Variants in REG4 observed in about 807,000 individuals in gnomAD.
The protein encoded by REG4 is regenerating family member 4, also known as regenerating islet-derived protein 4.
In REG4, 16 loss-of-function variants were observed where a neutral mutation model predicts 22.3. That is an observed-to-expected ratio of 0.72 (90% CI 0.49 to 1.09). REG4 has a LOEUF of 1.09. Among genes scored for constraint, REG4 ranks in the 50% least tolerant of loss-of-function variants. The probability of loss-of-function intolerance (pLI) is 0.00; values close to 1 mark genes in which losing one functional copy is unlikely to be tolerated. For synonymous variants in REG4, 71 were observed against 69.2 expected (o/e 1.03, Z -0.13); for missense variants, 214 against 193.9 (o/e 1.10, Z -0.61).
intron 5 of REG4, among the ~76,000 whole-genome samples, chr1:119,797,670 T>C (rs986040733): frequency 1.3e-5 from 2 of 152,240 alleles, no homozygotes; most frequent in African/African-American, 2.4e-5. Context: ...TCTGTGATCT[T>C]GTACAGCTGA....
At chr1:119,805,679 T>C (rs587729531) in intron 2 of REG4, among the ~76,000 whole-genome samples, 2 of 152,216 alleles carry the variant, frequency 1.3e-5, no homozygotes, top group South Asian at 4.2e-4. Flanking sequence ...TGCATCTCTG[T>C]CTTTGACTTT....
chr1:119,808,738 A>T lies in REG4; in HGVS notation c.32T>A (p.Leu11Ter), dbSNP rs780783584. Reference sequence around the variant, plus strand: ...TCCTGTTTTGGCCAGGCAGCTCAGCAATAGGAGCAGCCGCATGCTTCTGGA... The same window carrying T: ...TCCTGTTTTGGCCAGGCAGCTCAGCTATAGGAGCAGCCGCATGCTTCTGGA... MASRSMRLLL[L>*]LSCLAKTGVL... The change falls in exon 2 of 6, where the codon TTG (leucine) becomes TAG (stop). Residue 11 changes from leucine to a stop codon, truncating the protein, a stop_gained. Coordinates refer to ENST00000256585, the MANE Select transcript of REG4 (RefSeq NM_032044.4). LOFTEE classifies it high-confidence loss of function. 1 of 1,614,014 alleles carries T rather than the reference A, an allele frequency of 6.2e-7. No individual in the cohort carries two copies. The highest frequency in any genetic ancestry group is 1.1e-5 in the South Asian group (1 of 91,062).
intron 3 of REG4, chr1:119,802,355 T>C: frequency 1.0e-6 from 1 of 986,108 alleles, no homozygotes; most frequent in Non-Finnish European, 1.2e-6. Context: ...ATGTGGTAGG[T>C]GCTTCGTTCT....
At chr1:119,795,831 C>G (rs937797870) in intron 5 of REG4, among the ~76,000 whole-genome samples, 3 of 152,232 alleles carry the variant, frequency 2.0e-5, no homozygotes, top group African/African-American at 7.2e-5. Context: ...CAGTGTGGGG[C>G]AAAGAGAATA....
intron 3 of REG4, chr1:119,801,568 T>C (rs1654101010): frequency 6.6e-6 from 1 of 152,286 alleles, no homozygotes; most frequent in Non-Finnish European, 1.5e-5. Context: ...CAACTGGTAC[T>C]GCTGGGGCTG....
intron 2 of REG4, 86 bp downstream of exon 2, chr1:119,808,617 T>C: frequency 1.0e-6 from 1 of 963,294 alleles, no homozygotes; most frequent in South Asian, 1.4e-5. Context: ...TTCCTAAATG[T>C]TTTTGTGGGC....
At chr1:119,811,155 G>A (rs924335709) in intron 1 of REG4, among the ~76,000 whole-genome samples, 1 of 152,238 alleles carries the variant, frequency 6.6e-6, no homozygotes, top group South Asian at 2.1e-4. Context: ...TTATGATTGA[G>A]TAACTTTTCT....
At chr1:119,807,850 AAGGGCATTCCCCAGC>A (rs1178430908) in intron 2 of REG4, among the ~76,000 whole-genome samples, 2 of 152,138 alleles carry the variant, frequency 1.3e-5, no homozygotes, top group Admixed American at 1.3e-4. Flanking sequence ...ACCCTTGGCC[AAGGGCATTCCCCAGC>A]AGTAGCAGTA....
rs587710564 is a variant in REG4, at chr1:119,798,656, C to A, written c.304-54G>T. The A allele has an allele frequency of 2.0e-4, 274 of 1,352,056 alleles. No individual in the cohort carries two copies. In the African/African-American group the frequency reaches 2.8e-3, roughly 14 times the overall value. 83.8% of individuals were successfully genotyped at this position (1,352,056 alleles called of 1,614,324 possible). On this transcript the variant is annotated intron_variant, in intron 4 of 5. Coordinates refer to ENST00000256585, the MANE Select transcript of REG4 (RefSeq NM_032044.4). Reference sequence around the variant, plus strand: ...CAGCTCAGCAACCCACCTGCCACAGCCAAGGAAGTCCCCTCAGTCCCCTTT... The same window carrying A: ...CAGCTCAGCAACCCACCTGCCACAGACAAGGAAGTCCCCTCAGTCCCCTTT...
intron 2 of REG4, among the ~76,000 whole-genome samples, chr1:119,806,303 A>G (rs1235103995): frequency 6.6e-6 from 1 of 152,172 alleles, no homozygotes; most frequent in Non-Finnish European, 1.5e-5. Context: ...CCGTTTACAT[A>G]TATTCTAATC....
rs765468551 is a variant in REG4, at chr1:119,798,579, A to G, written c.327T>C (p.Asp109=). 1.9e-6 allele frequency: 3 copies of G among 1,614,214 alleles called. No homozygotes were observed. In the Admixed American group the frequency reaches 5.0e-5, roughly 27 times the overall value. The stretch of plus-strand genomic sequence containing the variant: ...AGGATCTGTACAGATACATGGCCCC[A>G]TCAATCCACTGCCACTGCTGCCTCT... ...PQKRQQWQWI[D]GAMYLYRSWS... is the part of the protein sequence containing the mutation. The change falls in exon 5 of 6, where the codon GAT becomes GAC. Residue 109 remains aspartate, a synonymous_variant. Coordinates refer to ENST00000256585, the MANE Select transcript of REG4 (RefSeq NM_032044.4).
chr1:119,798,883 C>CTGA lies in REG4; in HGVS notation c.304-284_304-282dup, dbSNP rs1349831254. On this transcript the variant is annotated intron_variant, in intron 4 of 5. Transcript: ENST00000256585. ...GTGAATACATAAAAATGTAAAATTT[C>CTGA]TGATAGTCAAATAAATGACATTAAA... Among the ~76,000 whole-genome samples, 3 of 151,982 alleles carry CTGA rather than the reference C, an allele frequency of 2.0e-5. No individual in the cohort carries two copies. In the East Asian group the frequency reaches 5.8e-4, roughly 29 times the overall value.
At chr1:119,799,678 C>CA (rs1400113472) in intron 4 of REG4, 47 bp downstream of exon 4, 2 of 1,596,396 alleles carry the variant, frequency 1.3e-6, no homozygotes, top group South Asian at 2.2e-5. Flanking sequence ...AAGAGGATGC[C>CA]AGCCTGGCTT....
intron 3 of REG4, chr1:119,802,248 C>T: frequency 3.9e-5 from 32 of 813,178 alleles, no homozygotes; most frequent in Non-Finnish European, 4.8e-5. Flanking sequence ...CATTTATACT[C>T]ATGCTGTATG....
At chr1:119,802,860 G>C in intron 3 of REG4, 1 of 1,546,256 alleles carries the variant, frequency 6.5e-7, no homozygotes, top group South Asian at 1.2e-5. Flanking sequence ...AGCCCATCTA[G>C]GGTCTGGCAT....
At chr1:119,799,591 C>T in intron 4 of REG4, 134 bp downstream of exon 4, 1 of 1,158,662 alleles carries the variant, frequency 8.6e-7, no homozygotes, top group Non-Finnish European at 1.2e-6. Context: ...AGACTTTGGT[C>T]TCCGTCAGCT....
intron 3 of REG4, chr1:119,802,694 CT>C (rs1457958432): frequency 7.0e-7 from 1 of 1,423,506 alleles, no homozygotes; most frequent in Non-Finnish European, 9.1e-7. Context: ...CTACACACCA[CT>C]CTCTTTCTGG....
intron 5 of REG4, among the ~76,000 whole-genome samples, chr1:119,796,895 A>C (rs1194500339): frequency 6.6e-6 from 1 of 152,228 alleles, no homozygotes; most frequent in Non-Finnish European, 1.5e-5. Context: ...TCCAATGGGA[A>C]TGTCAGAATC....
At chr1:119,804,664 C>T (rs144735738) in intron 2 of REG4, among the ~76,000 whole-genome samples, 125 of 152,282 alleles carry the variant, frequency 8.2e-4, no homozygotes, top group South Asian at 1.9e-3. Flanking sequence ...ATGCCATTGC[C>T]GTTACTACTA....
Sources: allele counts gnomAD v4.1 joint callset (sites outside exome capture counted in the v4.1 genomes callset), GRCh38; gene constraint gnomAD v4.1.1; transcripts MANE v1.5; gene names NCBI Gene and HGNC (gene_info 2026-07-23, HGNC 2026-07-21).